OSBP2: variants seen among roughly 807,000 people sequenced by gnomAD.
OSBP2 encodes the protein oxysterol-binding protein 2.
A neutral mutation model predicts 96.0 loss-of-function variants in OSBP2; 66 were observed. The observed-to-expected ratio is 0.69, with a 90% CI of 0.56 to 0.84. OSBP2 has a LOEUF of 0.84. Ranked by LOEUF, OSBP2 falls within the 40% of genes least tolerant of loss-of-function variation. OSBP2 has a pLI of 0.00. For synonymous variants in OSBP2, 525 were observed against 520.9 expected (o/e 1.01, Z -0.11); for missense variants, 1,038 against 1,222.7 (o/e 0.85, Z 2.25).
At chr22:30,786,018 T>TTGTGTG (rs59686538) in intron 2 of OSBP2, among the ~76,000 whole-genome samples, 30,076 of 148,946 alleles carry the variant, frequency 0.2, 2,997 homozygotes, top group Middle Eastern at 0.26. Flanking sequence ...CTAATACAGT[T>TTGTGTG]TGTGTGTGTG....
At chr22:30,776,115 C>CTT (rs66689098) in intron 2 of OSBP2, among the ~76,000 whole-genome samples, 3 of 139,508 alleles carry the variant, frequency 2.2e-5, no homozygotes, top group Non-Finnish European at 4.7e-5. Flanking sequence ...TTTTTCTTTT[C>CTT]TTTTTTTTTT....
chr22:30,861,219 T>C (rs1411530577), intron 2 of OSBP2, among the ~76,000 whole-genome samples: 3 of 152,138 alleles, frequency 2.0e-5, no homozygotes, highest in African/African-American at 7.2e-5. Context: ...TTGATGTTTA[T>C]TGATGGAGTT....
intron 1 of OSBP2, among the ~76,000 whole-genome samples, chr22:30,706,536 A>G (rs1250349251): frequency 6.6e-6 from 1 of 152,088 alleles, no homozygotes; most frequent in Non-Finnish European, 1.5e-5. Context: ...TTGCATAGGA[A>G]ACTGCCAGAT....
chr22:30,715,613 G>A (rs1034751090), intron 1 of OSBP2, among the ~76,000 whole-genome samples: 2 of 150,062 alleles, frequency 1.3e-5, no homozygotes, highest in East Asian at 2.0e-4. Flanking sequence ...GTGCAATGGC[G>A]CCATCTCGGC....
At chr22:30,769,923 G>A (rs1405495868) in intron 2 of OSBP2, among the ~76,000 whole-genome samples, 3 of 152,086 alleles carry the variant, frequency 2.0e-5, no homozygotes, top group African/African-American at 4.8e-5. Flanking sequence ...CGTGTTGAGG[G>A]TGGGGCCAGG....
chr22:30,723,268 A>T (rs1327114755), intron 1 of OSBP2, among the ~76,000 whole-genome samples: 1 of 151,538 alleles, frequency 6.6e-6, no homozygotes, highest in Non-Finnish European at 1.5e-5. Context: ...CACAAAGCCC[A>T]GCTAATTTTT....
chr22:30,811,650 G>C lies in OSBP2; in HGVS notation c.854-58779G>C, dbSNP rs62235915. 3.9e-5 allele frequency among the ~76,000 whole-genome samples: 6 copies of C among 152,026 alleles called. No homozygotes were observed. In the East Asian group the frequency reaches 1.2e-3, roughly 30 times the overall value. The stretch of plus-strand genomic sequence containing the variant: ...GCTCACTGCAACCTCTGCCTCCCAG[G>C]TTCAAGTGATTCTCCTGCCTCAGCC... On this transcript the variant is annotated intron_variant, in intron 2 of 13. Transcript: ENST00000332585.
At chr22:30,788,909 C>T (rs2090634785) in intron 2 of OSBP2, among the ~76,000 whole-genome samples, 1 of 152,036 alleles carries the variant, frequency 6.6e-6, no homozygotes, top group African/African-American at 2.4e-5. Flanking sequence ...GTTGGGGTTT[C>T]GCCATGTTGG....
intron 2 of OSBP2, among the ~76,000 whole-genome samples, chr22:30,867,819 C>G (rs931754813): frequency 2.4e-4 from 37 of 152,274 alleles, no homozygotes; most frequent in African/African-American, 8.9e-4. Context: ...CTCTCACCAG[C>G]TCTTGCTTAC....
At chr22:30,755,139 G>A (rs112208421) in intron 2 of OSBP2, among the ~76,000 whole-genome samples, 1 of 152,168 alleles carries the variant, frequency 6.6e-6, no homozygotes, top group African/African-American at 2.4e-5. Flanking sequence ...GCTGCTGATG[G>A]ACAACATCTA....
chr22:30,798,209 G>C (rs1240697800), intron 2 of OSBP2, among the ~76,000 whole-genome samples: 2 of 152,242 alleles, frequency 1.3e-5, no homozygotes, highest in Non-Finnish European at 2.9e-5. Flanking sequence ...TTTCATGTAC[G>C]TATTGGCCAT....
chr22:30,723,830 C>T (rs1411842236), intron 1 of OSBP2, among the ~76,000 whole-genome samples: 2 of 152,162 alleles, frequency 1.3e-5, no homozygotes, highest in African/African-American at 2.4e-5. Flanking sequence ...TATCGTCCCC[C>T]GTTACCAACA....
chr22:30,837,324 C>T (rs1034683767), intron 2 of OSBP2, among the ~76,000 whole-genome samples: 30 of 151,462 alleles, frequency 2.0e-4, no homozygotes, highest in Admixed American at 1.2e-3. Flanking sequence ...GCTTCCTTTT[C>T]TGTTCCACTG....
intron 2 of OSBP2, among the ~76,000 whole-genome samples, chr22:30,803,672 C>T (rs753038493): frequency 2.0e-5 from 3 of 152,240 alleles, no homozygotes; most frequent in Admixed American, 1.3e-4. Context: ...TTCCAGTCTC[C>T]GTAGGCACCT....
At chr22:30,737,616 A>G (rs1454240708) in intron 1 of OSBP2, among the ~76,000 whole-genome samples, 1 of 152,044 alleles carries the variant, frequency 6.6e-6, no homozygotes, top group African/African-American at 2.4e-5. Context: ...GATGTGAGCC[A>G]CCACGCCCAA....
intron 3 of OSBP2, among the ~76,000 whole-genome samples, chr22:30,882,368 A>G (rs1266598553): frequency 6.6e-6 from 1 of 152,288 alleles, no homozygotes; most frequent in Non-Finnish European, 1.5e-5. Context: ...CCCTAACAGC[A>G]CTGGTTCCAT....
upstream of OSBP2, chr22:30,694,386 T>C (rs1380062714): frequency 6.7e-7 from 1 of 1,499,592 alleles, no homozygotes; most frequent in Admixed American, 2.4e-5. Flanking sequence ...CTTTAGCCTT[T>C]AGCGCCCCTG....
intron 12 of OSBP2, chr22:30,894,219 T>C (rs1282641250): frequency 1.8e-6 from 1 of 558,110 alleles, no homozygotes; most frequent in African/African-American, 1.9e-5. Flanking sequence ...AGCGAGGTGA[T>C]AGGACAGAGC....
chr22:30,893,761 C>T, intron 11 of OSBP2, 28 bp downstream of exon 11: 1 of 1,612,656 alleles, frequency 6.2e-7, no homozygotes, highest in Non-Finnish European at 8.5e-7. Flanking sequence ...CCTCTAAGCA[C>T]CCCAGGGGGC....
Sources: allele counts gnomAD v4.1 joint callset (sites outside exome capture counted in the v4.1 genomes callset), GRCh38; gene constraint gnomAD v4.1.1; transcripts MANE v1.5; gene names NCBI Gene and HGNC (gene_info 2026-07-23, HGNC 2026-07-21).